The following ARMH3 variants were observed in gnomAD, a reference collection of about 807,000 sequenced individuals.
The protein encoded by ARMH3 is armadillo like helical domain containing 3.
A neutral mutation model predicts 99.1 loss-of-function variants in ARMH3; 60 were observed. That is an observed-to-expected ratio of 0.61 (90% CI 0.49 to 0.75). ARMH3 has a LOEUF of 0.75. Among genes scored for constraint, ARMH3 ranks in the 30% least tolerant of loss-of-function variants. The pLI, the probability that ARMH3 is intolerant of heterozygous loss-of-function variation, is 0.00. For synonymous variants in ARMH3, 285 were observed against 292.8 expected, an observed-to-expected ratio of 0.97 and a Z score of 0.27; for missense variants, 679 against 843.1, an observed-to-expected ratio of 0.81 and a Z score of 2.41.
At chr10:102,035,139 G>C (rs2067221323) in intron 2 of ARMH3, among the ~76,000 whole-genome samples, 1 of 152,138 alleles carries the variant, frequency 6.6e-6, no homozygotes, top group Non-Finnish European at 1.5e-5. Flanking sequence ...GGCAGGCTGA[G>C]TCCGAGGCGC....
At chr10:101,867,658 C>T (rs1010042215) in intron 24 of ARMH3, among the ~76,000 whole-genome samples, 2 of 152,050 alleles carry the variant, frequency 1.3e-5, no homozygotes, top group African/African-American at 4.8e-5. Flanking sequence ...CATAGTGAGA[C>T]CCCACCTCTA....
chr10:101,927,546 G>A (rs1383240342), intron 23 of ARMH3, among the ~76,000 whole-genome samples: 1 of 152,182 alleles, frequency 6.6e-6, no homozygotes, highest in Non-Finnish European at 1.5e-5. Flanking sequence ...TAGACATCAG[G>A]AAGCAGCTAC....
chr10:101,851,005 C>A (rs2066587536), intron 24 of ARMH3, among the ~76,000 whole-genome samples: 1 of 152,210 alleles, frequency 6.6e-6, no homozygotes, highest in African/African-American at 2.4e-5. Flanking sequence ...TTCCTCAGCA[C>A]CATCTGCTAC....
At chr10:102,038,227 TG>T (rs2067324714) in intron 2 of ARMH3, among the ~76,000 whole-genome samples, 1 of 151,340 alleles carries the variant, frequency 6.6e-6, no homozygotes, top group South Asian at 2.1e-4. Flanking sequence ...CCCAAGTAGC[TG>T]GGACTACAGG....
At chr10:102,047,000 T>A (rs1176442320) in intron 1 of ARMH3, among the ~76,000 whole-genome samples, 1 of 152,226 alleles carries the variant, frequency 6.6e-6, no homozygotes, top group African/African-American at 2.4e-5. Flanking sequence ...TAGATACATC[T>A]GTCTGTAAAT....
At chr10:101,979,743 A>G (rs1231791285) in intron 19 of ARMH3, among the ~76,000 whole-genome samples, 1 of 152,234 alleles carries the variant, frequency 6.6e-6, no homozygotes, top group Non-Finnish European at 1.5e-5. Flanking sequence ...ATAACTAGGT[A>G]TGCTTGGATT....
At chr10:102,042,782 T>G (rs1250803736) in intron 1 of ARMH3, among the ~76,000 whole-genome samples, 1 of 152,204 alleles carries the variant, frequency 6.6e-6, no homozygotes, top group Non-Finnish European at 1.5e-5. Context: ...ATTTTGAAAG[T>G]AAAATATCGG....
chr10:101,847,851 G>A (rs2066498631), intron 25 of ARMH3, among the ~76,000 whole-genome samples: 1 of 152,210 alleles, frequency 6.6e-6, no homozygotes, highest in Non-Finnish European at 1.5e-5. Flanking sequence ...GAGGATGTAA[G>A]AAGAGCATCT....
intron 4 of ARMH3, among the ~76,000 whole-genome samples, chr10:102,032,107 T>TA (rs1275743730): frequency 3.9e-5 from 6 of 152,204 alleles, no homozygotes; most frequent in Non-Finnish European, 5.9e-5. Flanking sequence ...ATACTAAACT[T>TA]ACTAGACTAA....
chr10:101,940,073 C>T, intron 22 of ARMH3, 135 bp from the exon 23 acceptor site: 1 of 613,052 alleles, frequency 1.6e-6, no homozygotes, highest in Non-Finnish European at 2.8e-6. Flanking sequence ...TTAAAAACAT[C>T]CTCAGCTTAG....
chr10:101,990,179 C>A (rs928776019), intron 19 of ARMH3, among the ~76,000 whole-genome samples: 3 of 134,580 alleles, frequency 2.2e-5, no homozygotes, highest in East Asian at 2.1e-4. Context: ...CATGAACTTT[C>A]TTTTTTTTTT....
intron 4 of ARMH3, among the ~76,000 whole-genome samples, chr10:102,030,169 C>A (rs2067095100): frequency 2.0e-5 from 3 of 152,082 alleles, no homozygotes; most frequent in Admixed American, 2.0e-4. Flanking sequence ...GATCCTCCTG[C>A]CTCAGCCTCC....
At chr10:101,860,626 A>G (rs2066844504) in intron 24 of ARMH3, among the ~76,000 whole-genome samples, 1 of 152,218 alleles carries the variant, frequency 6.6e-6, no homozygotes, top group Admixed American at 6.5e-5. Context: ...TATGGATTGC[A>G]TATGTTGGGT....
At chr10:102,025,863 G>A (rs978358397) in intron 5 of ARMH3, among the ~76,000 whole-genome samples, 1 of 151,942 alleles carries the variant, frequency 6.6e-6, no homozygotes, top group Non-Finnish European at 1.5e-5. Context: ...TGTTGCCCAG[G>A]GTGGTCTCGA....
rs373378641 is a variant in ARMH3 at position 101,889,555 on chromosome 10, T to A, written c.1782-65A>T. ...AGAGGTGGATACATCTGTTAAAAAA[T>A]AAGGATCAAGTACCCTCTGGTTTAG... On this transcript the variant is annotated intron_variant, in intron 23 of 25. Transcript: ENST00000370033. 135 of 1,438,278 alleles carry A rather than the reference T, an allele frequency of 9.4e-5. No homozygotes were observed. In the East Asian group the frequency reaches 1.2e-3, roughly 12 times the overall value. The allele number at this position is 1,438,278 out of a possible 1,614,324, so 89.1% of individuals were successfully genotyped here. A position where few individuals can be genotyped will look rare whatever the true frequency, so the allele number is the denominator to read the frequency against.
chr10:101,997,542 A>G (rs1238021131), intron 15 of ARMH3, among the ~76,000 whole-genome samples: 1 of 151,708 alleles, frequency 6.6e-6, no homozygotes, highest in African/African-American at 2.4e-5. Context: ...CAGTGAGCTG[A>G]GATCGTGCCA....
chr10:102,016,208 T>C (rs2066748317), intron 8 of ARMH3, among the ~76,000 whole-genome samples: 1 of 152,232 alleles, frequency 6.6e-6, no homozygotes, highest in South Asian at 2.1e-4. Context: ...TTTTGGAATA[T>C]GTGCATTACA....
chr10:101,989,502 C>G (rs913780400), intron 19 of ARMH3, among the ~76,000 whole-genome samples: 1 of 152,124 alleles, frequency 6.6e-6, no homozygotes, highest in Non-Finnish European at 1.5e-5. Context: ...GGGCGGATCA[C>G]CTGAAGTCAG....
chr10:101,944,216 G>A (rs1370765973), intron 22 of ARMH3, among the ~76,000 whole-genome samples: 1 of 136,304 alleles, frequency 7.3e-6, no homozygotes, highest in African/African-American at 2.8e-5. Context: ...CACTTTGGGA[G>A]GCTAAGGCAG....
Sources: gnomAD v4.1 joint callset for allele counts (sites outside exome capture counted in the v4.1 genomes callset) on GRCh38, gnomAD v4.1.1 for gene constraint, MANE v1.5 for transcripts, NCBI Gene and HGNC (gene_info 2026-07-23, HGNC 2026-07-21) for gene names.